AGTPBP1: variants seen among roughly 807,000 people sequenced by gnomAD.
AGTPBP1 encodes cytosolic carboxypeptidase 1.
A neutral mutation model predicts 143.9 loss-of-function variants in AGTPBP1; 70 were observed. The observed-to-expected ratio is 0.49, with a 90% CI of 0.40 to 0.59. The LOEUF is 0.59. Among genes scored for constraint, AGTPBP1 ranks in the 20% least tolerant of loss-of-function variants. The probability of loss-of-function intolerance (pLI) is 0.00; values close to 1 mark genes in which losing one functional copy is unlikely to be tolerated. For missense variants in AGTPBP1, 1,229 were observed against 1,464.5 expected (o/e 0.84, Z 2.62); for synonymous variants, 463 against 500.2 (o/e 0.93, Z 0.99).
At chr9:85,728,254 T>A (rs1456154656) in intron 1 of AGTPBP1, among the ~76,000 whole-genome samples, 3 of 152,158 alleles carry the variant, frequency 2.0e-5, no homozygotes, top group Non-Finnish European at 4.4e-5. Context: ...GTATTTCCCT[T>A]TTCTTTTCAA....
At chr9:85,746,766 C>A (rs1487947948), upstream of AGTPBP1, among the ~76,000 whole-genome samples, 1 of 151,526 alleles carries the variant, frequency 6.6e-6, no homozygotes, top group South Asian at 2.1e-4. Context: ...AAAAAAAAAA[C>A]CAAAATGCTA....
intron 17 of AGTPBP1, among the ~76,000 whole-genome samples, chr9:85,617,849 A>G (rs10780732): frequency 0.19 from 28,545 of 152,146 alleles, 3,480 homozygotes; most frequent in East Asian, 0.51. Flanking sequence ...TACATTTAAC[A>G]ACTTAGAAGA....
chr9:85,711,158 C>G (rs2134470326), intron 2 of AGTPBP1, among the ~76,000 whole-genome samples: 1 of 152,222 alleles, frequency 6.6e-6, no homozygotes, highest in Non-Finnish European at 1.5e-5. Flanking sequence ...AGTATTAATA[C>G]ACTGTCAATT....
chr9:85,650,042 CTTTTT>C (rs35903806), intron 11 of AGTPBP1, among the ~76,000 whole-genome samples: 3 of 109,236 alleles, frequency 2.7e-5, no homozygotes, highest in Non-Finnish European at 5.5e-5. Flanking sequence ...CTAAACTTTC[CTTTTT>C]TTTTTTTTTT....
At chr9:85,705,104 A>G (rs1314585493) in intron 2 of AGTPBP1, among the ~76,000 whole-genome samples, 1 of 152,068 alleles carries the variant, frequency 6.6e-6, no homozygotes, top group African/African-American at 2.4e-5. Context: ...TTCCTGAAGG[A>G]CAAGAGAGAG....
At chr9:85,634,194 A>T (rs1046288810) in intron 13 of AGTPBP1, among the ~76,000 whole-genome samples, 1 of 85,718 alleles carries the variant, frequency 1.2e-5, no homozygotes, top group Non-Finnish European at 2.2e-5. Context: ...ACTCTCTCTC[A>T]AAAAAAAAAA....
intron 11 of AGTPBP1, among the ~76,000 whole-genome samples, chr9:85,653,416 A>C (rs1385148697): frequency 6.6e-6 from 1 of 152,180 alleles, no homozygotes; most frequent in Non-Finnish European, 1.5e-5. Flanking sequence ...AACTAAAAGA[A>C]AAATATAATT....
intron 1 of AGTPBP1, among the ~76,000 whole-genome samples, chr9:85,725,447 C>T (rs990744922): frequency 1.3e-5 from 2 of 152,054 alleles, no homozygotes; most frequent in African/African-American, 4.8e-5. Flanking sequence ...TACAGTTGTC[C>T]TTGATAACTG....
chr9:85,786,274 C>T, the AGTPBP1 span: 9 of 1,596,614 alleles, frequency 5.6e-6, no homozygotes, highest in East Asian at 8.9e-5. Flanking sequence ...GGAAGATATC[C>T]CAGAATTACC....
intron 20 of AGTPBP1, 65 bp from the exon 21 acceptor site, chr9:85,588,543 G>A: frequency 6.6e-7 from 1 of 1,518,584 alleles, no homozygotes. Flanking sequence ...ATTTTACTTT[G>A]GGGCTTTAGA....
At chr9:85,776,027 G>A in the AGTPBP1 span, among the ~76,000 whole-genome samples, 1 of 152,012 alleles carries the variant, frequency 6.6e-6, no homozygotes, top group Admixed American at 6.6e-5. Flanking sequence ...CACATCTCCT[G>A]AGATCATACA....
At chr9:85,787,276 T>C in the AGTPBP1 span, among the ~76,000 whole-genome samples, 1 of 152,102 alleles carries the variant, frequency 6.6e-6, no homozygotes, top group Non-Finnish European at 1.5e-5. Context: ...TCTCATTATG[T>C]TACTAAAACT....
At chr9:85,668,431 C>T (rs1166183887) in intron 8 of AGTPBP1, among the ~76,000 whole-genome samples, 1 of 151,566 alleles carries the variant, frequency 6.6e-6, no homozygotes, top group Admixed American at 6.6e-5. Flanking sequence ...CCACTGCACT[C>T]CAGCCTAGGC....
intron 17 of AGTPBP1, among the ~76,000 whole-genome samples, chr9:85,597,067 G>A (rs1829345006): frequency 1.3e-5 from 2 of 152,038 alleles, no homozygotes; most frequent in Admixed American, 1.3e-4. Context: ...TAGAAAGGCT[G>A]ACAATTTTTA....
At chr9:85,660,364 A>G (rs1391481730) in intron 9 of AGTPBP1, among the ~76,000 whole-genome samples, 1 of 152,208 alleles carries the variant, frequency 6.6e-6, no homozygotes, top group African/African-American at 2.4e-5. Context: ...GAAAAAATAT[A>G]TGTAAGTACA....
At chr9:85,632,261 G>A (rs62566945) in intron 14 of AGTPBP1, among the ~76,000 whole-genome samples, 2,547 of 152,126 alleles carry the variant, frequency 0.017, 25 homozygotes, top group Middle Eastern at 0.054. Context: ...GATTGTAGTT[G>A]CCCTGTTGTG....
chr9:85,692,609 TAGA>T, intron 3 of AGTPBP1, 77 bp downstream of exon 3: 3 of 1,530,266 alleles, frequency 2.0e-6, no homozygotes, highest in Non-Finnish European at 2.6e-6. Flanking sequence ...CATCCATTAT[TAGA>T]AGTTTGAACA....
At chr9:85,739,906 G>A (rs1201987086) in intron 1 of AGTPBP1, among the ~76,000 whole-genome samples, 1 of 151,790 alleles carries the variant, frequency 6.6e-6, no homozygotes, top group Admixed American at 6.6e-5. Context: ...AAGAAGCTGA[G>A]GCGGGAGAAT....
chr9:85,639,669 AAAC>A (rs1219173222), intron 13 of AGTPBP1, among the ~76,000 whole-genome samples: 1 of 152,214 alleles, frequency 6.6e-6, no homozygotes, highest in Non-Finnish European at 1.5e-5. Context: ...AACAAAAGGA[AAAC>A]AAGAAAGAAA....
Sources: gnomAD v4.1 joint callset for allele counts (sites outside exome capture counted in the v4.1 genomes callset) on GRCh38, gnomAD v4.1.1 for gene constraint, MANE v1.5 for transcripts, NCBI Gene and HGNC (gene_info 2026-07-23, HGNC 2026-07-21) for gene names.